The following TANGO2 variants were observed in gnomAD, a reference collection of about 807,000 sequenced individuals.
The protein encoded by TANGO2 is transport and golgi organization 2 homolog, also known as transport and Golgi organization protein 2 homolog.
Under a neutral mutation model 39.1 loss-of-function variants are expected in TANGO2, and 26 were observed. The ratio of observed to expected loss-of-function variants is 0.67; its 90% CI spans 0.49 to 0.92. The LOEUF is 0.92. Ranked by LOEUF, TANGO2 falls within the 40% of genes least tolerant of loss-of-function variation. The pLI, the probability that TANGO2 is intolerant of heterozygous loss-of-function variation, is 0.00. For missense variants in TANGO2, 326 were observed against 360.1 expected, an observed-to-expected ratio of 0.91 and a Z score of 0.77; for synonymous variants, 131 against 144.5, an observed-to-expected ratio of 0.91 and a Z score of 0.67.
upstream of TANGO2, among the ~76,000 whole-genome samples, chr22:20,018,951 G>T (rs1945396044): frequency 1.3e-5 from 2 of 152,152 alleles, no homozygotes; most frequent in Admixed American, 1.3e-4. Context: ...GGGGCATGGT[G>T]GTAGACGCCC....
At chr22:20,040,245 G>A (rs985024965) in intron 2 of TANGO2, among the ~76,000 whole-genome samples, 5 of 152,322 alleles carry the variant, frequency 3.3e-5, no homozygotes, top group Admixed American at 3.3e-4. Context: ...ATGTTCCTGA[G>A]TTATTAGGCA....
chr22:20,044,771 C>T (rs1280691420), intron 3 of TANGO2, among the ~76,000 whole-genome samples: 24 of 152,102 alleles, frequency 1.6e-4, no homozygotes, highest in Admixed American at 1.6e-3. Flanking sequence ...AGACTGATGT[C>T]CTTGGAAGGT....
At chr22:20,061,465 G>A in intron 6 of TANGO2, 65 bp from the exon 7 acceptor site, 3 of 1,512,570 alleles carry the variant, frequency 2.0e-6, no homozygotes, top group South Asian at 2.6e-5. Context: ...GTGGGTGGCA[G>A]GTGGCAATTT....
upstream of TANGO2, among the ~76,000 whole-genome samples, chr22:20,019,781 T>A (rs2039435626): frequency 6.6e-6 from 1 of 152,220 alleles, no homozygotes; most frequent in African/African-American, 2.4e-5. Context: ...TGCATAGGTT[T>A]GGCTGCTCAG....
chr22:20,024,137 G>A (rs1177290932), intron 1 of TANGO2, among the ~76,000 whole-genome samples: 1 of 152,114 alleles, frequency 6.6e-6, no homozygotes, highest in Non-Finnish European at 1.5e-5. Flanking sequence ...CAGTGAGAGA[G>A]GTCACCCTCT....
chr22:20,050,584 G>A (rs2046140607), intron 3 of TANGO2, among the ~76,000 whole-genome samples: 1 of 150,486 alleles, frequency 6.6e-6, no homozygotes, highest in African/African-American at 2.4e-5. Flanking sequence ...GGCTGGTCTC[G>A]AACTCCTGAC....
Position 20,053,559 on chromosome 22 carries a change from T to C in TANGO2, c.380+8T>C, listed in dbSNP as rs1422620580. 5 of 1,585,272 alleles carry C rather than the reference T, an allele frequency of 3.2e-6. No homozygotes were observed. The highest frequency in any genetic ancestry group is 4.3e-6 in the Non-Finnish European group (5 of 1,153,912). ...CATAGCAGCCGACCTGAGGTGGGTC[T>C]GCCAGAGGGGGATGGCGGCTCTGCC... On this transcript the variant is annotated splice_region_variant and intron_variant, in intron 5 of 8. Coordinates refer to ENST00000327374, the MANE Select transcript of TANGO2 (RefSeq NM_152906.7).
chr22:20,043,295 G>A, intron 2 of TANGO2, 60 bp from the exon 3 acceptor site: 1 of 1,325,426 alleles, frequency 7.5e-7, no homozygotes, highest in Non-Finnish European at 1.1e-6. Context: ...TGTGAAAAGA[G>A]AAAAAGACTT....
chr22:20,030,906 T>A (rs1202033719), intron 1 of TANGO2, among the ~76,000 whole-genome samples: 1 of 152,042 alleles, frequency 6.6e-6, no homozygotes, highest in Non-Finnish European at 1.5e-5. Flanking sequence ...TCCAAAAAAA[T>A]TTAAAAATTA....
chr22:20,037,927 A>T (rs1163395086), intron 2 of TANGO2, among the ~76,000 whole-genome samples: 1 of 152,096 alleles, frequency 6.6e-6, no homozygotes, highest in Admixed American at 6.5e-5. Context: ...TCTACTAAAA[A>T]CACACAAAAA....
intron 1 of TANGO2, among the ~76,000 whole-genome samples, chr22:20,021,734 G>A (rs1409009559): frequency 6.6e-6 from 1 of 152,228 alleles, no homozygotes. Context: ...GCTGCACTCA[G>A]GGCAGTCCTT....
chr22:20,044,484 C>G (rs62222177), intron 3 of TANGO2, among the ~76,000 whole-genome samples: 20,063 of 152,216 alleles, frequency 0.13, 2,390 homozygotes, highest in East Asian at 0.54. Flanking sequence ...TGAGATTGTG[C>G]CACTGCACTC....
At chr22:20,020,880 G>T (rs2039530737), upstream of TANGO2, among the ~76,000 whole-genome samples, 1 of 152,142 alleles carries the variant, frequency 6.6e-6, no homozygotes, top group Non-Finnish European at 1.5e-5. Context: ...GTCCCCGAAG[G>T]CCGCTGGATC....
intron 7 of TANGO2, 109 bp downstream of exon 7, chr22:20,061,792 C>T: frequency 3.7e-6 from 5 of 1,361,792 alleles, no homozygotes; most frequent in Non-Finnish European, 4.9e-6. Context: ...CAGGCTGGGT[C>T]CCCAGCTGCA....
At chr22:20,044,846 T>C (rs566902377) in intron 3 of TANGO2, among the ~76,000 whole-genome samples, 3 of 152,328 alleles carry the variant, frequency 2.0e-5, no homozygotes, top group East Asian at 1.9e-4. Context: ...TCCTTGACTA[T>C]TGTGCCCTCC....
At position 20,057,559 on chromosome 22, in the gene TANGO2, A is replaced by G. The variant is rs574835949; in HGVS notation, c.451+1546A>G. Among the ~76,000 whole-genome samples, 7 of 152,328 alleles carry G rather than the reference A, an allele frequency of 4.6e-5. No individual in the cohort carries two copies. The highest frequency in any genetic ancestry group is 1.2e-4 in the African/African-American group (5 of 41,578). On this transcript the variant is annotated intron_variant, in intron 6 of 8. Coordinates refer to ENST00000327374, the MANE Select transcript of TANGO2 (RefSeq NM_152906.7). This position sits in a 1 kb window ranked among gnomAD's most constrained non-coding sequence, Gnocchi z 4.1. ...CTGTGGGCAGCCCACCTGAGCTCCC[A>G]AGAGCTGGGCAGTGGCACAGACACA...
intron 4 of TANGO2, 117 bp downstream of exon 4, chr22:20,052,701 C>A (rs1399166723): frequency 1.5e-6 from 2 of 1,334,776 alleles, no homozygotes; most frequent in African/African-American, 1.4e-5. Flanking sequence ...GTGGGGCGGG[C>A]CAAGGTAGGA....
chr22:20,060,348 C>CAAAAAAAA (rs1180539682), intron 6 of TANGO2, among the ~76,000 whole-genome samples: 26 of 80,686 alleles, frequency 3.2e-4, no homozygotes, highest in African/African-American at 1.3e-3. Flanking sequence ...GACTCCGTCT[C>CAAAAAAAA]AAAAAAAAAA....
At chr22:20,034,191 A>C (rs1293483448) in intron 1 of TANGO2, among the ~76,000 whole-genome samples, 4 of 130,324 alleles carry the variant, frequency 3.1e-5, no homozygotes, top group Non-Finnish European at 5.0e-5. Flanking sequence ...AGGAGCAAAA[A>C]CAAAACAACA....
Sources: allele counts gnomAD v4.1 joint callset (sites outside exome capture counted in the v4.1 genomes callset), GRCh38; gene constraint gnomAD v4.1.1; non-coding constraint Gnocchi (gnomAD v3.1); transcripts MANE v1.5; gene names NCBI Gene and HGNC (gene_info 2026-07-23, HGNC 2026-07-21).